The following SLC35F4 variants were observed in gnomAD, a reference collection of about 807,000 sequenced individuals.
SLC35F4 encodes the protein solute carrier family 35 member F4.
A neutral mutation model predicts 44.2 loss-of-function variants in SLC35F4; 24 were observed. The ratio of observed to expected loss-of-function variants is 0.54; its 90% CI spans 0.39 to 0.76. The LOEUF (loss-of-function observed/expected upper bound fraction) is 0.76. Among genes scored for constraint, SLC35F4 ranks in the 30% least tolerant of loss-of-function variants. SLC35F4 has a pLI of 0.00. For synonymous variants in SLC35F4, 238 were observed against 223.6 expected, an observed-to-expected ratio of 1.06 and a Z score of -0.57; for missense variants, 562 against 586.1, an observed-to-expected ratio of 0.96 and a Z score of 0.42.
chr14:57,902,562 TCA>T (rs1491572695), intron 1 of SLC35F4, among the ~76,000 whole-genome samples: 3 of 88,254 alleles, frequency 3.4e-5, no homozygotes, highest in Non-Finnish European at 6.3e-5. Context: ...AAACTCAGTC[TCA>T]AAAAAAAAAA....
chr14:57,849,108 A>G (rs1029859519), intron 1 of SLC35F4, among the ~76,000 whole-genome samples: 1 of 152,198 alleles, frequency 6.6e-6, no homozygotes, highest in Non-Finnish European at 1.5e-5. Flanking sequence ...GATTATAAAC[A>G]GTTTTTGAGT....
intron 1 of SLC35F4, among the ~76,000 whole-genome samples, chr14:57,758,610 T>C (rs960036651): frequency 6.6e-6 from 1 of 152,146 alleles, no homozygotes; most frequent in Non-Finnish European, 1.5e-5. Flanking sequence ...TTAATGTCCT[T>C]GTCTGCTAAT....
intron 1 of SLC35F4, among the ~76,000 whole-genome samples, chr14:57,599,629 G>A (rs567978274): frequency 1.3e-5 from 2 of 152,050 alleles, no homozygotes; most frequent in Middle Eastern, 3.4e-3. Context: ...ATCACCTGAG[G>A]TCAGTAGTTC....
intron 1 of SLC35F4, among the ~76,000 whole-genome samples, chr14:57,924,100 C>T (rs1240715828): frequency 6.6e-6 from 1 of 152,220 alleles, no homozygotes; most frequent in African/African-American, 2.4e-5. Context: ...ACTTGCTCCT[C>T]CTTGCCTTCA....
At chr14:57,598,128 A>G (rs1199790799) in intron 1 of SLC35F4, among the ~76,000 whole-genome samples, 1 of 152,146 alleles carries the variant, frequency 6.6e-6, no homozygotes, top group Non-Finnish European at 1.5e-5. Flanking sequence ...CCCTGGTGCA[A>G]TCAGTCTCAT....
At chr14:57,962,593 C>T (rs913484465) in intron 1 of SLC35F4, among the ~76,000 whole-genome samples, 3 of 152,288 alleles carry the variant, frequency 2.0e-5, no homozygotes, top group African/African-American at 2.4e-5. Context: ...ACAACCTGCA[C>T]GATCATAAGC....
intron 1 of SLC35F4, among the ~76,000 whole-genome samples, chr14:57,963,406 G>T (rs1020266655): frequency 3.3e-5 from 5 of 152,198 alleles, no homozygotes; most frequent in African/African-American, 1.2e-4. Context: ...TCAGGAGCTT[G>T]TTGCTCACAT....
At chr14:57,900,332 C>G (rs1888973685) in intron 1 of SLC35F4, among the ~76,000 whole-genome samples, 1 of 152,182 alleles carries the variant, frequency 6.6e-6, no homozygotes, top group African/African-American at 2.4e-5. Context: ...CTGATTCTGT[C>G]ACAGGCCCAC....
chr14:57,955,006 C>T (rs1890211140), intron 1 of SLC35F4, among the ~76,000 whole-genome samples: 1 of 149,310 alleles, frequency 6.7e-6, no homozygotes, highest in Non-Finnish European at 1.5e-5. Flanking sequence ...AAATTTCAGG[C>T]CAATATCCCT....
chr14:57,956,263 T>A (rs1471473477), intron 1 of SLC35F4, among the ~76,000 whole-genome samples: 1 of 152,120 alleles, frequency 6.6e-6, no homozygotes, highest in African/African-American at 2.4e-5. Context: ...CTAGACCCCT[T>A]CCTTACACCT....
intron 1 of SLC35F4, among the ~76,000 whole-genome samples, chr14:57,758,489 A>C (rs2077048448): frequency 6.6e-6 from 1 of 152,072 alleles, no homozygotes; most frequent in South Asian, 2.1e-4. Flanking sequence ...CCCAGATATT[A>C]TAGTTTTCTC....
At chr14:57,976,841 T>G (rs531292211) in exon 2 of SLC35F4, 1 of 152,328 alleles carries the variant, frequency 6.6e-6, no homozygotes, top group South Asian at 2.1e-4. Flanking sequence ...TATGCATTCA[T>G]TATGTCTTAT....
At chr14:57,571,160 C>A (rs1409332129) in intron 5 of SLC35F4, among the ~76,000 whole-genome samples, 1 of 152,118 alleles carries the variant, frequency 6.6e-6, no homozygotes, top group East Asian at 1.9e-4. Flanking sequence ...TGGAACAGTT[C>A]TTTAATACAT....
At chr14:57,861,734 A>G (rs571890916) in intron 1 of SLC35F4, among the ~76,000 whole-genome samples, 2 of 152,116 alleles carry the variant, frequency 1.3e-5, no homozygotes, top group South Asian at 4.2e-4. Context: ...TTCCCCTTCA[A>G]ACTCTTTATT....
At chr14:57,825,495 A>T (rs1472078579) in intron 1 of SLC35F4, among the ~76,000 whole-genome samples, 1 of 152,156 alleles carries the variant, frequency 6.6e-6, no homozygotes, top group Non-Finnish European at 1.5e-5. Flanking sequence ...ACCTCTGTAG[A>T]ATAGCTTCTT....
intron 1 of SLC35F4, among the ~76,000 whole-genome samples, chr14:57,762,715 C>T (rs1371483832): frequency 1.3e-5 from 2 of 152,080 alleles, no homozygotes; most frequent in Non-Finnish European, 2.9e-5. Context: ...ATGAGTTCAG[C>T]GTCTCCCTTT....
At chr14:57,838,398 C>T (rs918077313) in intron 1 of SLC35F4, among the ~76,000 whole-genome samples, 4 of 152,184 alleles carry the variant, frequency 2.6e-5, no homozygotes, top group African/African-American at 4.8e-5. Context: ...GCCAGCAATA[C>T]GTATGTCTGA....
rs539509709 is a variant in SLC35F4 at position 57,938,990 on chromosome 14, G to T, written n.282+42923C>A. On this transcript the variant is annotated intron_variant and non_coding_transcript_variant, in intron 1 of 1. Coordinates refer to the SLC35F4 transcript ENST00000556568. ...AATTATGTCCAGATTTGAAGAGGAA[G>T]GGGAAAGTCAATTTCTTTCCTCCCC... Among the ~76,000 whole-genome samples the T allele has an allele frequency of 7.2e-5, 11 of 152,266 alleles. No individual in the cohort carries two copies. In the South Asian group the frequency reaches 2.1e-3, roughly 29 times the overall value.
At chr14:57,690,895 G>C (rs1158509806) in intron 1 of SLC35F4, among the ~76,000 whole-genome samples, 2 of 152,260 alleles carry the variant, frequency 1.3e-5, no homozygotes, top group East Asian at 1.9e-4. Flanking sequence ...TCTAAATACA[G>C]ATGAAGCTTG....
Sources: allele counts gnomAD v4.1 joint callset (sites outside exome capture counted in the v4.1 genomes callset), GRCh38; gene constraint gnomAD v4.1.1; transcripts MANE v1.5; gene names NCBI Gene and HGNC (gene_info 2026-07-23, HGNC 2026-07-21).